The following RBFOX1 variants were observed in gnomAD, a reference collection of about 807,000 sequenced individuals.
RBFOX1 encodes the protein RNA binding protein fox-1 homolog 1.
RBFOX1 carries 8 observed loss-of-function variants against 57.7 expected under a neutral mutation model. That is an observed-to-expected ratio of 0.14 (90% CI 0.08 to 0.25). The LOEUF is 0.25. Among genes scored for constraint, RBFOX1 ranks in the 10% least tolerant of loss-of-function variants. RBFOX1 has a pLI of 1.00. For missense variants in RBFOX1, 611 were observed against 548.5 expected (o/e 1.11, Z -1.14); for synonymous variants, 326 against 222.4 (o/e 1.47, Z -4.15).
chr16:6,961,185 AAAAG>A (rs2082930150), intron 3 of RBFOX1, among the ~76,000 whole-genome samples: 4 of 150,074 alleles, frequency 2.7e-5, no homozygotes, highest in Admixed American at 2.6e-4. Context: ...AAGAAAAAAG[AAAAG>A]AAAGATTAAA....
intron 4 of RBFOX1, among the ~76,000 whole-genome samples, chr16:7,236,168 A>G (rs551661361): frequency 2.4e-4 from 36 of 152,344 alleles, no homozygotes; most frequent in African/African-American, 8.7e-4. Flanking sequence ...ACTGTTAAGC[A>G]TTAATCTTCT....
At position 7,047,945 on chromosome 16, in the gene RBFOX1, C is replaced by G. The variant is rs576397264; in HGVS notation, c.-15-4112C>G. Reference sequence around the variant, plus strand: ...CCAGGCTGGAGTGCAGTGGTGCAGTCTTTACTCACTGCAACCTCCCCCTGC... The same window carrying G: ...CCAGGCTGGAGTGCAGTGGTGCAGTGTTTACTCACTGCAACCTCCCCCTGC... On this transcript the variant is annotated intron_variant, in intron 3 of 15. Transcript: ENST00000550418. Among the ~76,000 whole-genome samples the G allele has an allele frequency of 7.9e-5, 12 of 151,910 alleles. No individual in the cohort carries two copies. The East Asian group carries it at 1.4e-3, about 17-fold the overall frequency.
intron 1 of RBFOX1, among the ~76,000 whole-genome samples, chr16:5,431,768 C>G (rs1045837310): frequency 3.3e-5 from 5 of 152,168 alleles, no homozygotes; most frequent in Non-Finnish European, 5.9e-5. Flanking sequence ...TTGTGTGGGT[C>G]TGTCTCTTAT....
intron 1 of RBFOX1, among the ~76,000 whole-genome samples, chr16:6,036,488 A>T (rs894627179): frequency 6.6e-6 from 1 of 152,112 alleles, no homozygotes; most frequent in Admixed American, 6.5e-5. Context: ...TAACTTGATG[A>T]ACCTATATGC....
chr16:7,008,148 A>C (rs2093410106), intron 3 of RBFOX1, among the ~76,000 whole-genome samples: 1 of 152,202 alleles, frequency 6.6e-6, no homozygotes, highest in African/African-American at 2.4e-5. Context: ...ATATATCCAC[A>C]GCATAATCAG....
chr16:5,467,249 G>A lies in RBFOX1; in HGVS notation c.253G>A (p.Gly85Ser), dbSNP rs1253879211. The A allele has an allele frequency of 9.4e-6, 14 of 1,496,384 alleles. No individual in the cohort carries two copies. In the East Asian group the frequency reaches 1.5e-4, roughly 16 times the overall value. 92.7% of individuals were successfully genotyped at this position (1,496,384 alleles called of 1,614,324 possible). ...GTGCCTGCCATACAGCCTGGTTGAGGGTCAGGTAAGTGCTCATTTTGTCCT... is the reference window on the plus strand; with the variant it reads ...GTGCCTGCCATACAGCCTGGTTGAGAGTCAGGTAAGTGCTCATTTTGTCCT... Residue 85 changes from glycine to serine, a missense_variant, in exon 2 of 3, where the codon GGT becomes AGT. Gly to Ser is a moderately conservative substitution (Grantham distance 56). Transcript: ENST00000585867.
At chr16:7,178,001 T>A (rs1765497984) in intron 4 of RBFOX1, among the ~76,000 whole-genome samples, 1 of 152,198 alleles carries the variant, frequency 6.6e-6, no homozygotes, top group Non-Finnish European at 1.5e-5. Context: ...TCTGACCTAT[T>A]GATTCAGAAT....
At chr16:5,654,159 T>G (rs1251764615) in intron 3 of RBFOX1, among the ~76,000 whole-genome samples, 11 of 152,196 alleles carry the variant, frequency 7.2e-5, no homozygotes, top group Non-Finnish European at 1.5e-5. Flanking sequence ...ACGAGTCGTT[T>G]TCTGAGCCTC....
At chr16:6,562,240 T>G (rs1394181278) in intron 2 of RBFOX1, among the ~76,000 whole-genome samples, 1 of 152,236 alleles carries the variant, frequency 6.6e-6, no homozygotes, top group African/African-American at 2.4e-5. Context: ...ATTTAACCAC[T>G]TTAAGACCTG....
chr16:5,923,291 T>C lies in RBFOX1; in HGVS notation c.351+55956T>C, dbSNP rs149430334. ...GAGAGGAGAAGAAGAATGCTATGGC[T>C]GTGTGATTGGGGATGGGGATGGTGG... is the stretch of plus-strand genomic sequence containing the variant. On this transcript the variant is annotated intron_variant, in intron 4 of 19. Coordinates refer to the RBFOX1 transcript ENST00000641259. Among the ~76,000 whole-genome samples the C allele has an allele frequency of 2.7e-4, 41 of 152,190 alleles. No homozygotes were observed. In the East Asian group the frequency reaches 7.7e-3, roughly 29 times the overall value.
chr16:6,326,901 G>T (rs1358403600), intron 2 of RBFOX1, among the ~76,000 whole-genome samples: 1 of 152,142 alleles, frequency 6.6e-6, no homozygotes, highest in East Asian at 1.9e-4. Context: ...AAATCTCCAT[G>T]TCTTGCATGC....
intron 11 of RBFOX1, among the ~76,000 whole-genome samples, chr16:7,631,639 G>C (rs2060979823): frequency 6.6e-6 from 1 of 152,154 alleles, no homozygotes; most frequent in East Asian, 1.9e-4. Context: ...GCCTGGAGTG[G>C]GGGTGGGGCT....
chr16:6,072,474 G>T (rs55819641), intron 1 of RBFOX1, among the ~76,000 whole-genome samples: 3 of 152,054 alleles, frequency 2.0e-5, no homozygotes, highest in East Asian at 1.9e-4. Flanking sequence ...CCCAGAAGTC[G>T]GATTGCTGGA....
rs548848566 is a variant in RBFOX1, at chr16:7,013,881, C to G, written c.-15-38176C>G. ...CCATGTTACCCAGGTCATTCTTGAG[C>G]TCTTGATCTCCAAAAATCTTCCTGC... On this transcript the variant is annotated intron_variant, in intron 3 of 15. Transcript: ENST00000550418. Among the ~76,000 whole-genome samples, 19 of 152,246 alleles carry G rather than the reference C, an allele frequency of 1.2e-4. No individual in the cohort carries two copies. In the South Asian group the frequency reaches 3.7e-3, roughly 30 times the overall value.
intron 3 of RBFOX1, among the ~76,000 whole-genome samples, chr16:5,795,621 G>A (rs887487821): frequency 6.6e-6 from 1 of 152,064 alleles, no homozygotes; most frequent in African/African-American, 2.4e-5. Context: ...CCTTGACCTG[G>A]AATTCTTTCC....
At chr16:7,587,941 C>CT (rs1180681254) in intron 7 of RBFOX1, among the ~76,000 whole-genome samples, 1 of 152,106 alleles carries the variant, frequency 6.6e-6, no homozygotes, top group Non-Finnish European at 1.5e-5. Context: ...AATCCCAGCA[C>CT]TTTGAGGTGG....
At chr16:6,311,899 G>A (rs1167916897) in intron 1 of RBFOX1, among the ~76,000 whole-genome samples, 1 of 152,160 alleles carries the variant, frequency 6.6e-6, no homozygotes, top group Admixed American at 6.5e-5. Context: ...CATAATCCCT[G>A]AGTGGTATCA....
At chr16:5,378,017 A>T (rs1278443002) in intron 1 of RBFOX1, among the ~76,000 whole-genome samples, 1 of 150,892 alleles carries the variant, frequency 6.6e-6, no homozygotes, top group East Asian at 1.9e-4. Context: ...TTTCCATTTT[A>T]TTTTTTTCTT....
chr16:5,264,557 T>C (rs1289602182), intron 1 of RBFOX1, among the ~76,000 whole-genome samples: 3 of 152,196 alleles, frequency 2.0e-5, no homozygotes, highest in East Asian at 1.9e-4. Context: ...ATTGTAAAAG[T>C]GTATATATTC....
Sources: allele counts gnomAD v4.1 joint callset (sites outside exome capture counted in the v4.1 genomes callset), GRCh38; gene constraint gnomAD v4.1.1; transcripts MANE v1.5; gene names NCBI Gene and HGNC (gene_info 2026-07-23, HGNC 2026-07-21).